MID2: variants seen among roughly 807,000 people sequenced by gnomAD.
MID2 encodes midline 2.
MID2 carries 13 observed loss-of-function variants against 46.1 expected under a neutral mutation model. The ratio of observed to expected loss-of-function variants is 0.28; its 90% CI spans 0.18 to 0.45. The LOEUF is 0.45. Ranked by LOEUF, MID2 falls within the 20% of genes least tolerant of loss-of-function variation. MID2 has a pLI of 1.00. For synonymous variants in MID2, 199 were observed against 212.3 expected (o/e 0.94, Z 0.55); for missense variants, 431 against 575.4 (o/e 0.75, Z 2.57).
At chrX:107,838,640 A>G (rs974922603) in intron 1 of MID2, among the ~76,000 whole-genome samples, 1 of 112,609 alleles carries the variant, frequency 8.9e-6, no homozygotes, top group African/African-American at 3.2e-5. Flanking sequence ...ATTTAGAAAC[A>G]GCTTTTAGGT....
At chrX:107,891,367 G>A (rs1250064012) in intron 3 of MID2, among the ~76,000 whole-genome samples, 8 of 101,336 alleles carry the variant, frequency 7.9e-5, no homozygotes, top group African/African-American at 1.5e-4. Context: ...TGCAACCTCC[G>A]CCTCTCAGGT....
In MID2 at chrX:107,826,057, G is replaced by A. The variant is rs1342931985; in HGVS notation, c.-370G>A. ...CCCCACTCCGCCTCCCTTTTGGAAG[G>A]GATTGCCTTTTTTTTCCTCTGCGGC... On this transcript the variant is annotated 5_prime_UTR_variant, in exon 1 of 10. Coordinates refer to ENST00000262843, the MANE Select transcript of MID2 (RefSeq NM_012216.4). The A allele has an allele frequency of 6.8e-6, 2 of 295,715 alleles. No individual in the cohort carries two copies. Among genetic ancestry groups the A allele is most frequent in the Non-Finnish European group, 1.2e-5 (2 of 169,181 alleles). 24.4% of individuals were successfully genotyped at this position (295,715 alleles called of 1,213,427 possible).
rs1379393000 is a variant in MID2 at position 107,930,436 on chromosome X, T to G, written c.*3363T>G. ...GTAACATTTCAGTCTTGTCAAACTTTGTTGTTTGAAGGTGGATTTACATTT... is the reference window on the plus strand; with the variant it reads ...GTAACATTTCAGTCTTGTCAAACTTGGTTGTTTGAAGGTGGATTTACATTT... On this transcript the variant is annotated 3_prime_UTR_variant, in exon 10 of 10. Transcript: ENST00000262843. Among the ~76,000 whole-genome samples, 2 of 112,196 alleles carry G rather than the reference T, an allele frequency of 1.8e-5. No individual in the cohort carries two copies. The highest frequency in any genetic ancestry group is 3.2e-5 in the African/African-American group (1 of 30,905).
intron 1 of MID2, among the ~76,000 whole-genome samples, chrX:107,840,102 A>G (rs1931304559): frequency 1.8e-5 from 2 of 112,676 alleles, no homozygotes; most frequent in South Asian, 7.4e-4. Flanking sequence ...TCACACTCTG[A>G]GGAAAAACTT....
intron 3 of MID2, among the ~76,000 whole-genome samples, chrX:107,870,428 A>G (rs1932038849): frequency 9.0e-6 from 1 of 111,069 alleles, no homozygotes; most frequent in South Asian, 3.8e-4. Context: ...TATGGAACTC[A>G]GCTCTAAAAC....
intron 2 of MID2, among the ~76,000 whole-genome samples, chrX:107,854,187 A>T (rs769985240): frequency 5.4e-5 from 6 of 112,066 alleles, no homozygotes; most frequent in Non-Finnish European, 9.4e-5. Flanking sequence ...TCTCTGGAAC[A>T]TAACTTCATC....
rs1424072675 is a variant in MID2 at position 107,828,455 on chromosome X, G to A, written c.4+2025G>A. Reference sequence around the variant, plus strand: ...GCATCTCAAGTAGTTGGGAACACAGGTGCATGCCACCACACCCAGCTAATT... The same window carrying A: ...GCATCTCAAGTAGTTGGGAACACAGATGCATGCCACCACACCCAGCTAATT... On this transcript the variant is annotated intron_variant, in intron 1 of 9. Transcript: ENST00000262843. Among the ~76,000 whole-genome samples, 4 of 109,302 alleles carry A rather than the reference G, an allele frequency of 3.7e-5. No homozygotes were observed. In the Admixed American group the frequency reaches 3.9e-4, roughly 11 times the overall value. 94.9% of individuals were successfully genotyped at this position (109,302 alleles called of 115,157 possible). A position where few individuals can be genotyped will look rare whatever the true frequency, so the allele number is the denominator to read the frequency against.
chrX:107,839,824 G>T (rs1240159965), intron 1 of MID2, among the ~76,000 whole-genome samples: 1 of 112,418 alleles, frequency 8.9e-6, no homozygotes, highest in African/African-American at 3.2e-5. Flanking sequence ...CTTCATAGCT[G>T]GCTTGTGCTA....
intron 2 of MID2, among the ~76,000 whole-genome samples, chrX:107,846,567 T>G (rs1465180294): frequency 2.7e-5 from 3 of 111,688 alleles, no homozygotes; most frequent in African/African-American, 9.8e-5. Context: ...ATATTTCATG[T>G]GTGTATGAGG....
chrX:107,896,743 G>A (rs371139044), intron 3 of MID2, among the ~76,000 whole-genome samples: 2 of 111,529 alleles, frequency 1.8e-5, no homozygotes, highest in African/African-American at 6.5e-5. Context: ...TCTAGAGATT[G>A]TGATTGTCGT....
intron 7 of MID2, among the ~76,000 whole-genome samples, chrX:107,921,960 G>A (rs1602510311): frequency 9.0e-6 from 1 of 111,424 alleles, no homozygotes; most frequent in East Asian, 2.8e-4. Flanking sequence ...CAATATTAGA[G>A]ACCAAGACCT....
intron 3 of MID2, among the ~76,000 whole-genome samples, chrX:107,859,659 G>A (rs1444679138): frequency 8.9e-6 from 1 of 112,772 alleles, no homozygotes; most frequent in Non-Finnish European, 1.9e-5. Flanking sequence ...AGTTAGCATG[G>A]AGGAGGAAAC....
chrX:107,835,506 C>T (rs761557173), intron 1 of MID2, among the ~76,000 whole-genome samples: 3 of 112,076 alleles, frequency 2.7e-5, no homozygotes, highest in African/African-American at 6.5e-5. Context: ...TCCTGGCTGA[C>T]GTGCTGTTTT....
At chrX:107,914,453 ATTTTCAGAAACAATAAGAGGT>A in intron 5 of MID2, among the ~76,000 whole-genome samples, 1 of 112,184 alleles carries the variant, frequency 8.9e-6, no homozygotes, top group East Asian at 2.8e-4. Flanking sequence ...AAACATCTCT[ATTTTCAGAAACAATAAGAGGT>A]GTTGTTGGTA....
Position 107,904,816 on chromosome X carries a change from T to C in MID2, c.925-662T>C, listed in dbSNP as rs183225627. 8.0e-5 allele frequency among the ~76,000 whole-genome samples: 9 copies of C among 111,882 alleles called. No homozygotes were observed. The Admixed American group carries it at 8.5e-4, about 11-fold the overall frequency. On this transcript the variant is annotated intron_variant, in intron 4 of 9. Transcript: ENST00000262843. ...ATACAGCTATATGGTTTTAGGCTTG[T>C]TGGCTTGCTCGTCAGTGTTAGTGGT... is the stretch of plus-strand genomic sequence containing the variant.
At chrX:107,908,696 TAAAA>T (rs770825707) in intron 5 of MID2, among the ~76,000 whole-genome samples, 10 of 67,026 alleles carry the variant, frequency 1.5e-4, no homozygotes, top group Non-Finnish European at 2.7e-4. Context: ...AGATTCCATC[TAAAA>T]AAAAAAAAAA....
intron 2 of MID2, among the ~76,000 whole-genome samples, chrX:107,844,487 G>A (rs186473987): frequency 1.8e-5 from 2 of 111,523 alleles, no homozygotes; most frequent in African/African-American, 6.5e-5. Context: ...GATATATGGG[G>A]CATTTCTATA....
At chrX:107,875,391 C>G (rs73249885) in intron 3 of MID2, among the ~76,000 whole-genome samples, 8,263 of 111,126 alleles carry the variant, frequency 0.074, 280 homozygotes, top group East Asian at 0.17. Context: ...AGGGCTGTTG[C>G]AGGGTTTGAG....
intron 3 of MID2, among the ~76,000 whole-genome samples, chrX:107,863,381 C>T (rs183179584): frequency 1.8e-5 from 2 of 111,713 alleles, no homozygotes; most frequent in East Asian, 5.6e-4. Context: ...TCTTCATAGC[C>T]GAAACAGTTC....
Sources: gnomAD v4.1 joint callset for allele counts (sites outside exome capture counted in the v4.1 genomes callset) on GRCh38, gnomAD v4.1.1 for gene constraint, MANE v1.5 for transcripts, NCBI Gene and HGNC (gene_info 2026-07-23, HGNC 2026-07-21) for gene names.